The following FRMD4A variants were observed in gnomAD, a reference collection of about 807,000 sequenced individuals.
FRMD4A encodes FERM domain-containing protein 4A.
In FRMD4A, 29 loss-of-function variants were observed where a neutral mutation model predicts 129.1. The ratio of observed to expected loss-of-function variants is 0.22; its 90% CI spans 0.17 to 0.31. The LOEUF (loss-of-function observed/expected upper bound fraction) is 0.31. Ranked by LOEUF, FRMD4A falls within the 10% of genes least tolerant of loss-of-function variation. The pLI is 1.00. For synonymous variants in FRMD4A, 634 were observed against 571.6 expected (o/e 1.11, Z -1.56); for missense variants, 1,272 against 1,375.8 (o/e 0.92, Z 1.19).
At chr10:14,280,704 T>C (rs1010068078) in intron 2 of FRMD4A, among the ~76,000 whole-genome samples, 3 of 152,174 alleles carry the variant, frequency 2.0e-5, no homozygotes, top group Non-Finnish European at 4.4e-5. Flanking sequence ...TAAAAGTCCC[T>C]AGGTATGTGG....
At chr10:13,690,914 G>T (rs2085623858) in intron 15 of FRMD4A, among the ~76,000 whole-genome samples, 1 of 152,230 alleles carries the variant, frequency 6.6e-6, no homozygotes, top group South Asian at 2.1e-4. Flanking sequence ...CCACCAGATT[G>T]ATTAGCAAAG....
chr10:14,006,546 A>C (rs1338279867), intron 2 of FRMD4A, among the ~76,000 whole-genome samples: 1 of 152,182 alleles, frequency 6.6e-6, no homozygotes, highest in African/African-American at 2.4e-5. Flanking sequence ...GTATAAATGG[A>C]GGTTTCCAGG....
intron 2 of FRMD4A, among the ~76,000 whole-genome samples, chr10:14,286,898 T>G (rs1049209353): frequency 3.3e-5 from 5 of 151,912 alleles, no homozygotes; most frequent in Non-Finnish European, 7.4e-5. Flanking sequence ...GGAATCTCGT[T>G]GCCCCTGCTG....
chr10:13,663,545 C>G (rs1209959614), intron 18 of FRMD4A, 36 bp from the exon 19 acceptor site: 1 of 1,046,342 alleles, frequency 9.6e-7, no homozygotes, highest in Admixed American at 1.7e-5. Context: ...ATGAGTTCAG[C>G]ACATTCCTTC....
intron 2 of FRMD4A, among the ~76,000 whole-genome samples, chr10:14,003,324 G>C (rs1277280176): frequency 6.6e-6 from 1 of 152,148 alleles, no homozygotes; most frequent in Admixed American, 6.5e-5. Flanking sequence ...GAAGCTGGGG[G>C]TGTTGGAGGA....
At position 14,039,381 on chromosome 10, in the gene FRMD4A, TCCATCCATCCATCC is replaced by T. The variant is rs1565204384; in HGVS notation, c.46-180483_46-180470del. ...ATCTGTCCGTCCGTCCATCCATCCA[TCCATCCATCCATCC>T]ATCCATCCATCCATCTATCTATCTA... On this transcript the variant is annotated intron_variant, in intron 2 of 24. Transcript: ENST00000357447. 1.4e-3 allele frequency among the ~76,000 whole-genome samples: 200 copies of T among 140,274 alleles called. 4 individuals carry two copies. Among genetic ancestry groups the T allele is most frequent in the African/African-American group, 3.7e-3 (133 of 35,948 alleles). 92.0% of individuals were successfully genotyped at this position (140,274 alleles called of 152,430 possible). A position where few individuals can be genotyped will look rare whatever the true frequency, so the allele number is the denominator to read the frequency against.
chr10:14,021,271 G>A (rs1266800807), intron 2 of FRMD4A, among the ~76,000 whole-genome samples: 1 of 151,988 alleles, frequency 6.6e-6, no homozygotes, highest in Non-Finnish European at 1.5e-5. Flanking sequence ...CAGACATGGT[G>A]GCTCACACCT....
At chr10:14,314,227 A>G (rs1295467190) in intron 2 of FRMD4A, among the ~76,000 whole-genome samples, 1 of 151,866 alleles carries the variant, frequency 6.6e-6, no homozygotes, top group Non-Finnish European at 1.5e-5. Flanking sequence ...CACTTTTGCC[A>G]CCTCGCATGC....
At chr10:14,292,183 G>A (rs1039880211) in intron 2 of FRMD4A, among the ~76,000 whole-genome samples, 7 of 152,184 alleles carry the variant, frequency 4.6e-5, no homozygotes, top group Non-Finnish European at 1.0e-4. Context: ...TGGATGAGAT[G>A]ATTCTGCAGT....
chr10:14,124,115 T>A (rs1294939009), intron 2 of FRMD4A, among the ~76,000 whole-genome samples: 1 of 152,154 alleles, frequency 6.6e-6, no homozygotes, highest in Non-Finnish European at 1.5e-5. Flanking sequence ...TGAGCAGGTG[T>A]TACAAATGCC....
At chr10:13,882,413 G>A (rs1167465710) in intron 2 of FRMD4A, among the ~76,000 whole-genome samples, 1 of 152,160 alleles carries the variant, frequency 6.6e-6, no homozygotes, top group African/African-American at 2.4e-5. Context: ...GGGACAATGA[G>A]GTCTGAGCCT....
In FRMD4A at chr10:13,804,233, C is replaced by T. The variant is rs533995284; in HGVS notation, c.206+6581G>A. Among the ~76,000 whole-genome samples, 49 of 152,334 alleles carry T rather than the reference C, an allele frequency of 3.2e-4. No individual in the cohort carries two copies. In the South Asian group the frequency reaches 9.7e-3, roughly 30 times the overall value. ...CTCTCTCACTGTCCAGCAGATAATACGTGGAAATCCCAAACCTATTTCCAA... is the reference window on the plus strand; with the variant it reads ...CTCTCTCACTGTCCAGCAGATAATATGTGGAAATCCCAAACCTATTTCCAA... On this transcript the variant is annotated intron_variant, in intron 4 of 24. Coordinates refer to ENST00000357447, the MANE Select transcript of FRMD4A (RefSeq NM_018027.5).
Position 14,099,285 on chromosome 10 carries a change from C to T in FRMD4A, c.45+230773G>A, listed in dbSNP as rs545997779. ...CCTCTTCCTAATATGTACAGTAAAA[C>T]GCTCAATATAGTCTCAATTTATAGG... is the stretch of plus-strand genomic sequence containing the variant. On this transcript the variant is annotated intron_variant, in intron 2 of 24. Transcript: ENST00000357447. Among the ~76,000 whole-genome samples, 58 of 152,192 alleles carry T rather than the reference C, an allele frequency of 3.8e-4. No individual in the cohort carries two copies. The South Asian group carries it at 7.7e-3, about 20-fold the overall frequency.
rs11258577 is a variant in FRMD4A at position 13,750,117 on chromosome 10, A to G, written c.465-2298T>C. On this transcript the variant is annotated intron_variant, in intron 8 of 24. Transcript: ENST00000357447. The stretch of plus-strand genomic sequence containing the variant: ...GAAAGAAAGAAAGAAATGAAGAAAG[A>G]AAGAAAGAAAGAAAGAAAGAAAGAA... Among the ~76,000 whole-genome samples the G allele has an allele frequency of 8.0e-3, 1,066 of 132,486 alleles. 5 individuals carry two copies. Among genetic ancestry groups the G allele is most frequent in the African/African-American group, 0.012 (437 of 35,354 alleles). The allele number at this position is 132,486 out of a possible 152,430, so 86.9% of individuals were successfully genotyped here. A position where few individuals can be genotyped will look rare whatever the true frequency, so the allele number is the denominator to read the frequency against.
chr10:14,022,861 G>A (rs1020962502), intron 2 of FRMD4A, among the ~76,000 whole-genome samples: 1 of 152,204 alleles, frequency 6.6e-6, no homozygotes, highest in Non-Finnish European at 1.5e-5. Context: ...CCTGCGGGTA[G>A]GGGAAGTTAA....
chr10:13,802,003 C>CAA (rs11426622), intron 4 of FRMD4A, among the ~76,000 whole-genome samples: 33,137 of 108,920 alleles, frequency 0.3, 6,424 homozygotes, highest in Middle Eastern at 0.4. Flanking sequence ...AATAATAATG[C>CAA]AAAAAAAAAA....
intron 2 of FRMD4A, among the ~76,000 whole-genome samples, chr10:13,912,598 G>C (rs1373904623): frequency 1.4e-5 from 2 of 142,094 alleles, no homozygotes; most frequent in South Asian, 2.2e-4. Flanking sequence ...GCGCGATCTC[G>C]GCTCACTGCA....
rs10160067 is a variant in FRMD4A at position 14,151,900 on chromosome 10, G to A, written c.45+178158C>T. Among the ~76,000 whole-genome samples the A allele has an allele frequency of 9.0e-3, 1,366 of 152,176 alleles. 20 individuals carry two copies. The highest frequency in any genetic ancestry group is 0.031 in the African/African-American group (1,290 of 41,536). On this transcript the variant is annotated intron_variant, in intron 2 of 24. Coordinates refer to ENST00000357447, the MANE Select transcript of FRMD4A (RefSeq NM_018027.5). ...CCACTTCAGCCCAAAGGCAGAAACT[G>A]CTTGCAGGACACTTTCTACCCCAGG...
chr10:14,062,125 A>G (rs1388794628), intron 2 of FRMD4A, among the ~76,000 whole-genome samples: 1 of 152,260 alleles, frequency 6.6e-6, no homozygotes, highest in Non-Finnish European at 1.5e-5. Context: ...TAGTACTGAA[A>G]AACTACAAAG....
Sources: allele counts gnomAD v4.1 joint callset (sites outside exome capture counted in the v4.1 genomes callset), GRCh38; gene constraint gnomAD v4.1.1; transcripts MANE v1.5; gene names NCBI Gene and HGNC (gene_info 2026-07-23, HGNC 2026-07-21).